The following TMEM132D variants were observed in gnomAD, a reference collection of about 807,000 sequenced individuals.
TMEM132D encodes mature OL transmembrane protein.
In TMEM132D, 21 loss-of-function variants were observed where a neutral mutation model predicts 62.3. The ratio of observed to expected loss-of-function variants is 0.34; its 90% CI spans 0.24 to 0.49. The LOEUF (loss-of-function observed/expected upper bound fraction) is 0.49. TMEM132D is among the 20% of genes least tolerant of loss of function. The pLI, the probability that TMEM132D is intolerant of heterozygous loss-of-function variation, is 0.99. For missense variants in TMEM132D, 1,346 were observed against 1,402.8 expected (o/e 0.96, Z 0.65); for synonymous variants, 621 against 575.6 (o/e 1.08, Z -1.13).
In TMEM132D at chr12:129,875,472, G is replaced by A. The variant is rs531999435; in HGVS notation, c.79+27789C>T. On this transcript the variant is annotated intron_variant, in intron 1 of 8. Transcript: ENST00000422113. ...AAGGGCCCGGCTCTGCGTTGCCGAC[G>A]TCCGACTGCTTGTGGTATTCTCACC... 1.3e-4 allele frequency among the ~76,000 whole-genome samples: 20 copies of A among 152,324 alleles called. 1 individual carries two copies. Among genetic ancestry groups the A allele is most frequent in the Middle Eastern group, 3.4e-3 (1 of 294 alleles).
At chr12:129,318,758 G>C (rs1331186663) in intron 4 of TMEM132D, among the ~76,000 whole-genome samples, 2 of 152,190 alleles carry the variant, frequency 1.3e-5, no homozygotes, top group African/African-American at 4.8e-5. Flanking sequence ...AGGCATGTCT[G>C]AGCTCAGACT....
intron 2 of TMEM132D, among the ~76,000 whole-genome samples, chr12:129,647,856 T>C (rs1226409341): frequency 6.6e-6 from 1 of 152,068 alleles, no homozygotes; most frequent in East Asian, 1.9e-4. Flanking sequence ...AATATAACAG[T>C]GAGAAAATTA....
At chr12:129,812,535 CA>C (rs1379414054) in intron 1 of TMEM132D, among the ~76,000 whole-genome samples, 1 of 151,798 alleles carries the variant, frequency 6.6e-6, no homozygotes, top group Non-Finnish European at 1.5e-5. Context: ...CGTTAGTCTT[CA>C]AAACTTTCCA....
chr12:129,095,859 C>T (rs531721603), intron 5 of TMEM132D, among the ~76,000 whole-genome samples: 3 of 152,236 alleles, frequency 2.0e-5, no homozygotes, highest in Non-Finnish European at 4.4e-5. Flanking sequence ...AAGCCACCTG[C>T]TCCTTGGTAT....
At chr12:129,382,778 C>A (rs1416393429) in intron 3 of TMEM132D, among the ~76,000 whole-genome samples, 1 of 152,102 alleles carries the variant, frequency 6.6e-6, no homozygotes, top group African/African-American at 2.4e-5. Context: ...CATGTTTAGA[C>A]CCCAATCTAT....
At chr12:129,208,774 G>A (rs1878934253) in intron 5 of TMEM132D, 1 of 152,258 alleles carries the variant, frequency 6.6e-6, no homozygotes, top group Non-Finnish European at 1.5e-5. Flanking sequence ...GGAGTGGGCG[G>A]AGGCAGCCTG....
chr12:129,591,450 ATTCCATTC>A (rs1488184018), intron 2 of TMEM132D, among the ~76,000 whole-genome samples: 1 of 152,080 alleles, frequency 6.6e-6, no homozygotes, highest in East Asian at 1.9e-4. Context: ...GGCTTCATAC[ATTCCATTC>A]TTTCTTTCTG....
intron 3 of TMEM132D, among the ~76,000 whole-genome samples, chr12:129,362,445 T>A (rs989179913): frequency 5.7e-4 from 73 of 127,960 alleles, no homozygotes; most frequent in Middle Eastern, 4.0e-3. Flanking sequence ...GAAAGTGTTT[T>A]CCACACGTGA....
At chr12:129,520,709 GA>G (rs1387724482) in intron 3 of TMEM132D, among the ~76,000 whole-genome samples, 16 of 152,272 alleles carry the variant, frequency 1.1e-4, no homozygotes, top group African/African-American at 3.6e-4. Flanking sequence ...GGCACGCCAC[GA>G]TTAAGCTGTA....
chr12:129,332,499 A>G (rs934729465), intron 4 of TMEM132D, among the ~76,000 whole-genome samples: 1 of 152,212 alleles, frequency 6.6e-6, no homozygotes, highest in Admixed American at 6.5e-5. Flanking sequence ...CACCAGCTTC[A>G]GCTCAAGTGG....
At chr12:129,734,730 G>T (rs1869364778) in intron 1 of TMEM132D, among the ~76,000 whole-genome samples, 1 of 152,130 alleles carries the variant, frequency 6.6e-6, no homozygotes, top group Non-Finnish European at 1.5e-5. Flanking sequence ...TTATATGATT[G>T]CTTCAGGAAA....
chr12:129,200,674 C>G (rs1303288347), intron 5 of TMEM132D, among the ~76,000 whole-genome samples: 1 of 152,180 alleles, frequency 6.6e-6, no homozygotes, highest in Non-Finnish European at 1.5e-5. Flanking sequence ...CGCAGGTTGT[C>G]GGGCGCCCAG....
At chr12:129,151,532 C>T (rs1252250339) in intron 5 of TMEM132D, among the ~76,000 whole-genome samples, 1 of 152,204 alleles carries the variant, frequency 6.6e-6, no homozygotes, top group East Asian at 1.9e-4. Context: ...GCTCACCACA[C>T]CCAGGGGTGA....
At chr12:129,370,729 A>C (rs781490024) in intron 3 of TMEM132D, among the ~76,000 whole-genome samples, 3 of 152,244 alleles carry the variant, frequency 2.0e-5, no homozygotes, top group Non-Finnish European at 4.4e-5. Context: ...CATTTTCAGC[A>C]ACATAAATGG....
intron 2 of TMEM132D, among the ~76,000 whole-genome samples, chr12:129,677,435 G>A (rs193081459): frequency 3.0e-4 from 45 of 152,276 alleles, no homozygotes; most frequent in Middle Eastern, 3.4e-3. Flanking sequence ...AAATTGCCTA[G>A]TCTCAGGTAC....
chr12:129,573,133 G>A (rs1353345365), intron 2 of TMEM132D, among the ~76,000 whole-genome samples: 1 of 152,282 alleles, frequency 6.6e-6, no homozygotes, highest in South Asian at 2.1e-4. Flanking sequence ...CACAGCCAGG[G>A]GCAGCCATGG....
chr12:129,273,009 AAC>A (rs1488443129), intron 4 of TMEM132D, among the ~76,000 whole-genome samples: 1 of 151,836 alleles, frequency 6.6e-6, no homozygotes, highest in Admixed American at 6.5e-5. Context: ...CACCCTGGCC[AAC>A]ACAGTGAAAC....
At chr12:129,097,567 C>T (rs1361183111) in intron 5 of TMEM132D, among the ~76,000 whole-genome samples, 1 of 152,138 alleles carries the variant, frequency 6.6e-6, no homozygotes, top group East Asian at 1.9e-4. Context: ...AGAGAAATAA[C>T]AGGAGAAGGG....
rs1369564502 is a variant in TMEM132D at position 129,311,005 on chromosome 12, T to C, written c.1299+26629A>G. ...CGAGGTCAGGAGATCGAGACCATCCTGGCTAACACGGTGAAACCCCGTCTC... is the reference window on the plus strand; with the variant it reads ...CGAGGTCAGGAGATCGAGACCATCCCGGCTAACACGGTGAAACCCCGTCTC... On this transcript the variant is annotated intron_variant, in intron 4 of 8. Transcript: ENST00000422113. 3.6e-5 allele frequency among the ~76,000 whole-genome samples: 5 copies of C among 140,682 alleles called. 1 individual carries two copies. In the Admixed American group the frequency reaches 3.7e-4, roughly 10 times the overall value. The allele number at this position is 140,682 out of a possible 152,430, so 92.3% of individuals were successfully genotyped here.
Sources: gnomAD v4.1 joint callset for allele counts (sites outside exome capture counted in the v4.1 genomes callset) on GRCh38, gnomAD v4.1.1 for gene constraint, MANE v1.5 for transcripts, NCBI Gene and HGNC (gene_info 2026-07-23, HGNC 2026-07-21) for gene names.